RIN1: variants seen among roughly 807,000 people sequenced by gnomAD.
RIN1 encodes the protein Ras and Rab interactor 1.
A neutral mutation model predicts 64.9 loss-of-function variants in RIN1; 52 were observed. The observed-to-expected ratio is 0.80, with a 90% confidence interval of 0.64 to 1.01. The LOEUF (loss-of-function observed/expected upper bound fraction) is 1.01, where lower values mean the gene tolerates loss of function less well. Ranked by LOEUF, RIN1 falls within the 50% of genes least tolerant of loss-of-function variation. RIN1 has a pLI of 0.00. For synonymous variants in RIN1, 486 were observed against 483.6 expected (o/e 1.00, Z -0.06); for missense variants, 1,040 against 1,064.5 (o/e 0.98, Z 0.32).
intron 9 of RIN1, 51 bp downstream of exon 9, chr11:66,333,207 G>A (rs754459660): frequency 3.1e-6 from 5 of 1,596,066 alleles, no homozygotes; most frequent in Non-Finnish European, 4.3e-6. Context: ...ACAGGAAGGT[G>A]AAAGGCGGGG....
In RIN1 at chr11:66,332,246, G is replaced by T. The variant is rs766977938; in HGVS notation, c.*30C>A. The T allele has an allele frequency of 3.7e-6, 6 of 1,600,668 alleles. No individual in the cohort carries two copies. The highest frequency in any genetic ancestry group is 5.1e-6 in the Non-Finnish European group (6 of 1,169,252). ...TTTCTCAGCAGGCTCAGGGTCTCCC[G>T]CCCCGAATGACCCTTCTGGCCACTT... is the stretch of plus-strand genomic sequence containing the variant. On this transcript the variant is annotated 3_prime_UTR_variant, in exon 10 of 10. Transcript: ENST00000311320.
At position 66,332,679 on chromosome 11, in the gene RIN1, G is replaced by T; in HGVS notation, c.1949C>A (p.Ala650Asp). The T allele has an allele frequency of 6.4e-7, 1 of 1,568,280 alleles. No homozygotes were observed. Among genetic ancestry groups the T allele is most frequent in the Non-Finnish European group, 8.6e-7 (1 of 1,157,262 alleles). Residue 650 changes from alanine to aspartate, a missense_variant, in exon 10 of 10, where the codon GCC becomes GAC. Physicochemically the swap from Ala to Asp is moderately radical, Grantham distance 126. Transcript: ENST00000311320. Reference sequence around the variant, plus strand: ...GAGCTGGTTCAGGGTGGCAATCGAGGCTTCTGGGGGCACGGCCAGGGTCTT... The same window carrying T: ...GAGCTGGTTCAGGGTGGCAATCGAGTCTTCTGGGGGCACGGCCAGGGTCTT... ...TSKTLAVPPEASIATLNQLCA... is the reference protein window; with the variant it reads ...TSKTLAVPPEDSIATLNQLCA...
intron 7 of RIN1, 35 bp downstream of exon 7, chr11:66,333,884 G>A (rs575830222): frequency 6.7e-7 from 1 of 1,485,456 alleles, no homozygotes; most frequent in Admixed American, 2.4e-5. Flanking sequence ...TGACTCAAAG[G>A]GGCAGGGCAG....
At chr11:66,333,046 C>T (rs907125766) in intron 9 of RIN1, 7 of 622,724 alleles carry the variant, frequency 1.1e-5, no homozygotes, top group Admixed American at 8.8e-5. Flanking sequence ...TTCACCTCAA[C>T]CCCAGGAGGT....
intron 7 of RIN1, 107 bp downstream of exon 7, chr11:66,333,812 C>T: frequency 1.4e-6 from 2 of 1,411,074 alleles, no homozygotes; most frequent in Admixed American, 2.7e-5. Flanking sequence ...GGAGGGTGGG[C>T]TCATTCTCTC....
At chr11:66,336,474 C>G (rs1435195799), upstream of RIN1, 1 of 1,358,786 alleles carries the variant, frequency 7.4e-7, no homozygotes, top group Non-Finnish European at 1.0e-6. Flanking sequence ...CAGTGAGTAA[C>G]ACTTCCTGAG....
In RIN1 at chr11:66,334,080, GGGCCCTGGGCCCGGGCCA is replaced by G. The variant is rs1487776627; in HGVS notation, c.1412_1429del (p.Leu471_Gly476del). On this transcript the variant is annotated inframe_deletion, in exon 7 of 10. Transcript: ENST00000311320. Reference sequence around the variant, plus strand: ...GCTCAGGTGGGACCCGAAGGCTCCGGGGCCCTGGGCCCGGGCCAGGCGGAGGCCCTCAGCTAGGCGGCC... The same window carrying G: ...GCTCAGGTGGGACCCGAAGGCTCCGGGGCGGAGGCCCTCAGCTAGGCGGCC... 1.9e-6 allele frequency: 3 copies of G among 1,565,464 alleles called. No individual in the cohort carries two copies. The highest frequency in any genetic ancestry group is 2.6e-6 in the Non-Finnish European group (3 of 1,155,656).
At position 66,333,421 on chromosome 11, in the gene RIN1, G is replaced by A. The variant is rs1228139552; in HGVS notation, c.1724-12C>T. On this transcript the variant is annotated splice_polypyrimidine_tract_variant and intron_variant, in intron 8 of 9. Transcript: ENST00000311320. ...CAGGTAGTAGCCACCTGGGACACAG[G>A]GTGGAAGAACACGGCTCAGGCTGGG... 6.2e-7 allele frequency: 1 copy of A among 1,605,828 alleles called. No individual in the cohort carries two copies. The highest frequency in any genetic ancestry group is 1.7e-4 in the Middle Eastern group (1 of 6,028).
chr11:66,332,006 C>A lies in RIN1; in HGVS notation c.*270G>T. 2 of 533,368 alleles carry A rather than the reference C, an allele frequency of 3.7e-6. No individual in the cohort carries two copies. The highest frequency in any genetic ancestry group is 6.7e-6 in the Non-Finnish European group (2 of 298,396). The allele number at this position is 533,368 out of a possible 1,614,324, so 33.0% of individuals were successfully genotyped here. A position where few individuals can be genotyped will look rare whatever the true frequency, so the allele number is the denominator to read the frequency against. On this transcript the variant is annotated 3_prime_UTR_variant, in exon 10 of 10. Coordinates refer to ENST00000311320, the MANE Select transcript of RIN1 (RefSeq NM_004292.3). ...GTCGGATTCGCCCCCACTTGGCACA[C>A]CCTCATTGCAGGCTGGCTCACCCTC...
chr11:66,334,433 G>A, intron 6 of RIN1, 81 bp downstream of exon 6: 1 of 1,529,104 alleles, frequency 6.5e-7, no homozygotes, highest in African/African-American at 1.4e-5. Context: ...CAGCAGAACA[G>A]AATCAGACAG....
In RIN1 at chr11:66,334,111, C is replaced by T; in HGVS notation, c.1399G>A (p.Glu467Lys). The change falls in exon 7 of 10, where the codon GAG (glutamate) becomes AAG (lysine). Residue 467 changes from glutamate (E) to lysine (K), a missense_variant. Glu to Lys is a moderately conservative substitution (Grantham distance 56, BLOSUM62 1). Coordinates refer to ENST00000311320, the MANE Select transcript of RIN1 (RefSeq NM_004292.3). ...TGGGCCCGGGCCAGGCGGAGGCCCT[C>T]AGCTAGGCGGCCCAGGGAGCCGTCT... ...AADGSLGRLA[E>K]GLRLARAQGP... 3 of 1,554,324 alleles carry T rather than the reference C, an allele frequency of 1.9e-6. No homozygotes were observed. Among genetic ancestry groups the T allele is most frequent in the Non-Finnish European group, 2.6e-6 (3 of 1,149,620 alleles).
Position 66,332,743 on chromosome 11 carries a change from G to A in RIN1, c.1885C>T (p.Arg629Ter), listed in dbSNP as rs1374902753. The A allele has an allele frequency of 4.6e-6, 7 of 1,515,502 alleles. No homozygotes were observed. The highest frequency in any genetic ancestry group is 1.8e-4 in the Middle Eastern group (1 of 5,600). 93.9% of individuals were successfully genotyped at this position (1,515,502 alleles called of 1,614,324 possible). Residue 629 changes from arginine (R) to a stop codon, truncating the protein, a stop_gained, in exon 10 of 10, where the codon CGA becomes TGA. Transcript: ENST00000311320. LOFTEE classifies it high-confidence loss of function. ...PATHCFQHLL[R>*]VAYQDPSSGC... ...CTGCTGGGATCCTGATAGGCTACTC[G>A]GAGGAGGTGCTATGCAGGAGGAGAA...
At position 66,334,124 on chromosome 11, in the gene RIN1, C is replaced by G; in HGVS notation, c.1386G>C (p.Leu462=). ...LRRRLAADGS[L]GRLAEGLRLA... The stretch of plus-strand genomic sequence containing the variant: ...GGCGGAGGCCCTCAGCTAGGCGGCC[C>G]AGGGAGCCGTCTGCGGCAAGCCGGC... The change falls in exon 7 of 10, where the codon CTG becomes CTC. Residue 462 remains leucine (L), a synonymous_variant. Transcript: ENST00000311320. The G allele has an allele frequency of 6.5e-7, 1 of 1,550,344 alleles. No homozygotes were observed. Among genetic ancestry groups the G allele is most frequent in the Non-Finnish European group, 8.7e-7 (1 of 1,148,472 alleles).
Position 66,335,672 on chromosome 11 carries a change from C to CA in RIN1, c.392dup (p.Leu131PhefsTer53). 6.2e-7 allele frequency: 1 copy of CA among 1,613,446 alleles called. No individual in the cohort carries two copies. The highest frequency in any genetic ancestry group is 1.1e-5 in the South Asian group (1 of 90,916). ...CTGGGAACATGAGCTCCGAGCCCTC[C>CA]AAGGAGACGCCTGAGAGAGGAGGGA... is the stretch of plus-strand genomic sequence containing the variant. On this transcript the variant is annotated frameshift_variant, in exon 4 of 10. Coordinates refer to ENST00000311320, the MANE Select transcript of RIN1 (RefSeq NM_004292.3). LOFTEE classifies it high-confidence loss of function.
rs755186689 is a variant in RIN1, at chr11:66,333,398, GGTA to G, written c.1732_1734del (p.Tyr578del). On this transcript the variant is annotated inframe_deletion, in exon 9 of 10. Transcript: ENST00000311320. Reference sequence around the variant, plus strand: ...GCCAGGCTGGCAGAGAGGCTGGTCAGGTAGTAGCCACCTGGGACACAGGGTGGA... The same window carrying G: ...GCCAGGCTGGCAGAGAGGCTGGTCAGGTAGCCACCTGGGACACAGGGTGGA... 1.2e-6 allele frequency: 2 copies of G among 1,608,702 alleles called. No homozygotes were observed. Among genetic ancestry groups the G allele is most frequent in the Admixed American group, 3.4e-5 (2 of 59,642 alleles).
intron 7 of RIN1, 123 bp downstream of exon 7, chr11:66,333,796 A>G (rs888836924): frequency 1.4e-6 from 2 of 1,417,284 alleles, no homozygotes; most frequent in Admixed American, 2.7e-5. Flanking sequence ...CGCCATCTGC[A>G]AGAGGGGAGG....
rs1384032700 is a variant in RIN1, at chr11:66,332,345, AC to A, written c.2282del (p.Gly761ValfsTer45). ...QSETTAEGGQ[G>X]QAQEGPAQPG... ...GCTGAGCAGGGCCTTCCTGGGCTTG[AC>A]CCTGGCCCCCTTCAGCAGTTGTCTC... On this transcript the variant is annotated frameshift_variant, in exon 10 of 10. Coordinates refer to ENST00000311320, the MANE Select transcript of RIN1 (RefSeq NM_004292.3). LOFTEE classifies it high-confidence loss of function. 6.2e-7 allele frequency: 1 copy of A among 1,613,838 alleles called. No homozygotes were observed. Among genetic ancestry groups the A allele is most frequent in the Non-Finnish European group, 8.5e-7 (1 of 1,179,936 alleles).
Position 66,334,687 on chromosome 11 carries a change from A to T in RIN1, c.1112T>A (p.Leu371Gln). The change falls in exon 6 of 10, where the codon CTG (leucine) becomes CAG (glutamine). Residue 371 changes from leucine (L) to glutamine (Q), a missense_variant. By Grantham distance (113) the Leu-to-Gln change is moderately radical. Coordinates refer to ENST00000311320, the MANE Select transcript of RIN1 (RefSeq NM_004292.3). ...CGCGGCTGTGTGTCGGTCCTGCATC[A>T]GTGCTGCCGCAGCCCGGCCCACCTG... ...ERQVGRAAAA[L>Q]MQDRHTAAGQ... 2.6e-6 allele frequency: 4 copies of T among 1,553,400 alleles called. No homozygotes were observed.
rs1329490381 is a variant in RIN1, at chr11:66,336,103, C to T, written c.142G>A (p.Gly48Arg). 4.2e-6 allele frequency: 6 copies of T among 1,443,428 alleles called. No homozygotes were observed. Among genetic ancestry groups the T allele is most frequent in the South Asian group, 1.4e-5 (1 of 69,336 alleles). The allele number at this position is 1,443,428 out of a possible 1,614,324, so 89.4% of individuals were successfully genotyped here. A position where few individuals can be genotyped will look rare whatever the true frequency, so the allele number is the denominator to read the frequency against. ...ACAACGCGCCCCGGCCGCTGCGGCC[C>T]GCCTGCCTGCCCGCCGCTGGCATTG... ...VPNASGGQAGGPQRPGRVVSL... is the reference protein window; with the variant it reads ...VPNASGGQAGRPQRPGRVVSL... The change falls in exon 2 of 10, where the codon GGG becomes AGG. Residue 48 changes from glycine to arginine, a missense_variant. Gly to Arg is a moderately radical substitution (Grantham distance 125). Transcript: ENST00000311320.
Sources: gnomAD v4.1 joint callset for allele counts on GRCh38, gnomAD v4.1.1 for gene constraint, MANE v1.5 for transcripts, NCBI Gene and HGNC (gene_info 2026-07-23, HGNC 2026-07-21) for gene names.